The following MTSS2 variants were observed in gnomAD, a reference collection of about 807,000 sequenced individuals.
The protein encoded by MTSS2 is protein MTSS 2.
A neutral mutation model predicts 67.1 loss-of-function variants in MTSS2; 27 were observed. The ratio of observed to expected loss-of-function variants is 0.40; its 90% confidence interval spans 0.30 to 0.55. The LOEUF is 0.55. Ranked by LOEUF, MTSS2 falls within the 20% of genes least tolerant of loss-of-function variation. The pLI is 0.43. For missense variants in MTSS2, 1,171 were observed against 1,067.8 expected (o/e 1.10, Z -1.35); for synonymous variants, 624 against 468.6 (o/e 1.33, Z -4.28).
rs752753994 is a variant in MTSS2, at chr16:70,679,778, A to T, written c.382+8T>A. 1 of 1,611,360 alleles carries T rather than the reference A, an allele frequency of 6.2e-7. No individual in the cohort carries two copies. Among genetic ancestry groups the T allele is most frequent in the South Asian group, 1.1e-5 (1 of 90,698 alleles). On this transcript the variant is annotated splice_region_variant and intron_variant, in intron 5 of 14. Transcript: ENST00000338779. The stretch of plus-strand genomic sequence containing the variant: ...GGGGTGGGAAGCCCGGCTCCGCGCC[A>T]CCCTCACCTTTCGCGTGGTCCTTGT...
Position 70,662,037 on chromosome 16 carries a change from C to T in MTSS2, c.*1640G>A, listed in dbSNP as rs1023775982. The T allele has an allele frequency of 2.0e-5, 3 of 152,484 alleles. No homozygotes were observed. The East Asian group carries it at 5.8e-4, about 29-fold the overall frequency. The allele number at this position is 152,484 out of a possible 1,614,324, so 9.4% of individuals were successfully genotyped here. A position where few individuals can be genotyped will look rare whatever the true frequency, so the allele number is the denominator to read the frequency against. On this transcript the variant is annotated 3_prime_UTR_variant, in exon 15 of 15. Transcript: ENST00000338779. Reference sequence around the variant, plus strand: ...GGCAGTTGTTGAACCTAGTGACTTACTTACAGGGACCATTCTTCATCAGCT... The same window carrying T: ...GGCAGTTGTTGAACCTAGTGACTTATTTACAGGGACCATTCTTCATCAGCT...
Position 70,665,014 on chromosome 16 carries a change from T to A in MTSS2, c.1211A>T (p.Asp404Val). 6.3e-7 allele frequency: 1 copy of A among 1,595,572 alleles called. No individual in the cohort carries two copies. Among genetic ancestry groups the A allele is most frequent in the Non-Finnish European group, 8.5e-7 (1 of 1,178,920 alleles). Reference protein sequence around the residue: ...RRKDRVELLRDTEPGPASGGT... With the variant: ...RRKDRVELLRVTEPGPASGGT... ...CCCACTGGCAGGGCCTGGCTCTGTG[T>A]CTCGCAGGAGCTCCACTCGGTCCTT... Residue 404 changes from aspartate (D) to valine (V), a missense_variant, in exon 13 of 15, where the codon GAC becomes GTC. Asp to Val is a radical substitution (Grantham distance 152, BLOSUM62 -3). Around this residue, in one of 2 missense-constraint regions of MTSS2, gnomAD observed 924 missense variants for 756.0 expected, o/e 1.22. Coordinates refer to ENST00000338779, the MANE Select transcript of MTSS2 (RefSeq NM_138383.3).
intron 8 of MTSS2, 150 bp from the exon 9 acceptor site, chr16:70,678,049 C>T: frequency 2.1e-6 from 2 of 959,964 alleles, no homozygotes; most frequent in Non-Finnish European, 3.1e-6. Flanking sequence ...CAGGTGGGGC[C>T]CACACAGCCC....
chr16:70,676,294 C>A (rs959465250), intron 10 of MTSS2, among the ~76,000 whole-genome samples: 3 of 152,246 alleles, frequency 2.0e-5, no homozygotes, highest in African/African-American at 4.8e-5. Context: ...CTTGGCCTCT[C>A]CCCAGCTGTG....
intron 2 of MTSS2, 38 bp from the exon 3 acceptor site, chr16:70,680,905 G>GGGT: frequency 6.5e-7 from 1 of 1,540,764 alleles, no homozygotes; most frequent in Admixed American, 2.0e-5. Context: ...GTCGGTGGTT[G>GGGT]GGCGGGGGGG....
Position 70,662,271 on chromosome 16 carries a change from G to A in MTSS2, c.*1406C>T, listed in dbSNP as rs1401300469. The A allele has an allele frequency of 6.6e-6, 1 of 152,344 alleles. No homozygotes were observed. The highest frequency in any genetic ancestry group is 2.4e-5 in the African/African-American group (1 of 41,410). 9.4% of individuals were successfully genotyped at this position (152,344 alleles called of 1,614,324 possible). On this transcript the variant is annotated 3_prime_UTR_variant, in exon 15 of 15. Transcript: ENST00000338779. ...CTGCCCTGGGGCCACGATGCCCTCTGAGCCCTGCTTTCCCTCCTGACCTGC... is the reference window on the plus strand; with the variant it reads ...CTGCCCTGGGGCCACGATGCCCTCTAAGCCCTGCTTTCCCTCCTGACCTGC...
chr16:70,674,685 C>G (rs539483443), intron 10 of MTSS2, among the ~76,000 whole-genome samples, 157 bp from the exon 11 acceptor site: 1 of 152,186 alleles, frequency 6.6e-6, no homozygotes. Flanking sequence ...AGGTGCTACA[C>G]AGGAGCTGTG....
At position 70,661,273 on chromosome 16, in the gene MTSS2, A is replaced by ATATT. The variant is rs768116365; in HGVS notation, c.*2400_*2403dup. 5.1e-5 allele frequency: 23 copies of ATATT among 453,824 alleles called. No homozygotes were observed. The highest frequency in any genetic ancestry group is 4.2e-4 in the African/African-American group (21 of 49,514). The allele number at this position is 453,824 out of a possible 1,614,324, so 28.1% of individuals were successfully genotyped here. A position where few individuals can be genotyped will look rare whatever the true frequency, so the allele number is the denominator to read the frequency against. On this transcript the variant is annotated 3_prime_UTR_variant, in exon 15 of 15. Transcript: ENST00000338779. The stretch of plus-strand genomic sequence containing the variant: ...GCATCTGTTACTTGTAGCAGTGACT[A>ATATT]TATTTAAATCGGGGAGGATGGTGTG...
rs748805161 is a variant in MTSS2, at chr16:70,679,811, G to A, written c.357C>T (p.Asn119=). Residue 119 remains asparagine (N), a synonymous_variant, in exon 5 of 15, where the codon AAC becomes AAT. Coordinates refer to ENST00000338779, the MANE Select transcript of MTSS2 (RefSeq NM_138383.3). ...ERIEDWKKAA[N]QLDKDHAKEY... Reference sequence around the variant, plus strand: ...CTTTCGCGTGGTCCTTGTCCAGCTGGTTGGCCGCCTTCTTCCAGTCCTCGA... The same window carrying A: ...CTTTCGCGTGGTCCTTGTCCAGCTGATTGGCCGCCTTCTTCCAGTCCTCGA... 1.2e-6 allele frequency: 2 copies of A among 1,609,972 alleles called. No homozygotes were observed. The highest frequency in any genetic ancestry group is 2.7e-5 in the African/African-American group (2 of 74,912).
chr16:70,673,086 GGGA>G (rs2052996841), intron 11 of MTSS2, among the ~76,000 whole-genome samples: 1 of 152,028 alleles, frequency 6.6e-6, no homozygotes, highest in Non-Finnish European at 1.5e-5. Context: ...GCTTGAGCCT[GGGA>G]GGAGGAGGAG....
At chr16:70,672,470 G>A (rs561230360) in intron 11 of MTSS2, among the ~76,000 whole-genome samples, 34 of 151,758 alleles carry the variant, frequency 2.2e-4, no homozygotes, top group Non-Finnish European at 3.7e-4. Flanking sequence ...AAGACTGTAC[G>A]TTACTTAGTA....
chr16:70,668,516 G>C (rs1013280743), intron 11 of MTSS2, among the ~76,000 whole-genome samples: 1 of 152,158 alleles, frequency 6.6e-6, no homozygotes, highest in African/African-American at 2.4e-5. Flanking sequence ...GCCAAGTCCA[G>C]AAATAGCCAC....
chr16:70,681,608 AG>A (rs2142918850), intron 1 of MTSS2, among the ~76,000 whole-genome samples: 1 of 152,342 alleles, frequency 6.6e-6, no homozygotes, highest in South Asian at 2.1e-4. Flanking sequence ...TGGCTGCTGC[AG>A]GGCCCAGCTA....
intron 9 of MTSS2, among the ~76,000 whole-genome samples, chr16:70,677,270 G>C (rs2053148630): frequency 6.6e-6 from 1 of 152,210 alleles, no homozygotes; most frequent in African/African-American, 2.4e-5. Flanking sequence ...GCCTCCCTGA[G>C]TTTGTTTACT....
At chr16:70,665,181 G>A in intron 12 of MTSS2, 85 bp from the exon 13 acceptor site, 6 of 1,446,296 alleles carry the variant, frequency 4.1e-6, no homozygotes, top group Non-Finnish European at 5.5e-6. Context: ...TGAGGCTCAG[G>A]GTGTCCAGGG....
In MTSS2 at chr16:70,679,952, G is replaced by T. The variant is rs761846488; in HGVS notation, c.290+19C>A. 22 of 679,452 alleles carry T rather than the reference G, an allele frequency of 3.2e-5. No homozygotes were observed. The highest frequency in any genetic ancestry group is 6.2e-5 in the Admixed American group (2 of 32,388). 42.1% of individuals were successfully genotyped at this position (679,452 alleles called of 1,614,324 possible). A position where few individuals can be genotyped will look rare whatever the true frequency, so the allele number is the denominator to read the frequency against. Reference sequence around the variant, plus strand: ...GCCCCGTCCCCCCGCCCCCCTGCCCGCCCGCAGCGCCCACTCACTTGGTGA... The same window carrying T: ...GCCCCGTCCCCCCGCCCCCCTGCCCTCCCGCAGCGCCCACTCACTTGGTGA... On this transcript the variant is annotated intron_variant, in intron 4 of 14. Transcript: ENST00000338779.
Position 70,674,385 on chromosome 16 carries a change from G to C in MTSS2, c.974C>G (p.Ser325Cys). ...TTTARLSSVS[S>C]HDSGFVSQDA... ...CTGGGAGACGAAGCCAGAGTCATGG[G>C]AGGAAACGCTGGAGAGGCGAGCGGT... The change falls in exon 11 of 15, where the codon TCC (serine) becomes TGC (cysteine). Residue 325 changes from serine (S) to cysteine (C), a missense_variant. Coordinates refer to ENST00000338779, the MANE Select transcript of MTSS2 (RefSeq NM_138383.3). 2 of 1,614,222 alleles carry C rather than the reference G, an allele frequency of 1.2e-6. No homozygotes were observed. The highest frequency in any genetic ancestry group is 1.7e-6 in the Non-Finnish European group (2 of 1,180,046).
At position 70,676,522 on chromosome 16, in the gene MTSS2, C is replaced by T. The variant is rs545283919; in HGVS notation, c.830+359G>A. Among the ~76,000 whole-genome samples, 11 of 152,374 alleles carry T rather than the reference C, an allele frequency of 7.2e-5. No individual in the cohort carries two copies. In the South Asian group the frequency reaches 2.3e-3, roughly 32 times the overall value. Reference sequence around the variant, plus strand: ...GTCCAGTGGTTAAATGCTGGGACTTCATGTGTCAGTTTCCCCTTCTGTAAA... The same window carrying T: ...GTCCAGTGGTTAAATGCTGGGACTTTATGTGTCAGTTTCCCCTTCTGTAAA... On this transcript the variant is annotated intron_variant, in intron 10 of 14. Coordinates refer to ENST00000338779, the MANE Select transcript of MTSS2 (RefSeq NM_138383.3).
Position 70,661,491 on chromosome 16 carries a change from G to A in MTSS2, c.*2186C>T. 8.5e-6 allele frequency: 3 copies of A among 352,378 alleles called. No homozygotes were observed. Among genetic ancestry groups the A allele is most frequent in the South Asian group, 6.3e-5 (3 of 47,356 alleles). 21.8% of individuals were successfully genotyped at this position (352,378 alleles called of 1,614,324 possible). A position where few individuals can be genotyped will look rare whatever the true frequency, so the allele number is the denominator to read the frequency against. On this transcript the variant is annotated 3_prime_UTR_variant, in exon 15 of 15. Transcript: ENST00000338779. ...ACCAGGAAAGTTACTTCAGTCAAAA[G>A]ACGCTTTTGAAAAGAATATTTCTCC...
Sources: allele counts gnomAD v4.1 joint callset (sites outside exome capture counted in the v4.1 genomes callset), GRCh38; gene constraint gnomAD v4.1.1; regional missense constraint gnomAD v4.1.1; transcripts MANE v1.5; gene names NCBI Gene and HGNC (gene_info 2026-07-23, HGNC 2026-07-21).